Variants in DPYD observed in about 807,000 individuals in gnomAD.
DPYD encodes the protein dihydropyrimidine dehydrogenase, also known as dihydropyrimidine dehydrogenase [NADP(+)].
In DPYD, 109 loss-of-function variants were observed where a neutral mutation model predicts 116.2. That is an observed-to-expected ratio of 0.94 (90% CI 0.80 to 1.10). The LOEUF is 1.10. Among genes scored for constraint, DPYD ranks in the 50% least tolerant of loss-of-function variants. DPYD has a pLI of 0.00. For synonymous variants in DPYD, 440 were observed against 432.0 expected (o/e 1.02, Z -0.23); for missense variants, 1,302 against 1,254.5 (o/e 1.04, Z -0.57).
intron 18 of DPYD, among the ~76,000 whole-genome samples, chr1:97,260,332 G>C (rs1663794245): frequency 6.6e-6 from 1 of 151,892 alleles, no homozygotes; most frequent in Non-Finnish European, 1.5e-5. Flanking sequence ...TAGTTTTTAA[G>C]ATTTCTGTAT....
intron 21 of DPYD, among the ~76,000 whole-genome samples, chr1:97,086,297 G>A (rs892992924): frequency 2.6e-5 from 4 of 151,010 alleles, no homozygotes; most frequent in South Asian, 2.1e-4. Flanking sequence ...GTGTCCACCC[G>A]CCTTGGCCTC....
At chr1:97,415,569 A>C (rs1468098439) in intron 14 of DPYD, among the ~76,000 whole-genome samples, 1 of 152,078 alleles carries the variant, frequency 6.6e-6, no homozygotes, top group African/African-American at 2.4e-5. Context: ...TGATCTGCTC[A>C]CCTTGGTCTC....
chr1:97,610,062 T>C (rs1289371350), intron 8 of DPYD, among the ~76,000 whole-genome samples: 2 of 152,024 alleles, frequency 1.3e-5, no homozygotes, highest in Non-Finnish European at 2.9e-5. Flanking sequence ...TGCAAGTCAT[T>C]TGGCCTATGT....
chr1:97,451,096 T>C (rs940141855), intron 13 of DPYD, among the ~76,000 whole-genome samples: 1 of 152,150 alleles, frequency 6.6e-6, no homozygotes, highest in African/African-American at 2.4e-5. Context: ...CTTGTCACTT[T>C]TAGTAAGATA....
intron 13 of DPYD, among the ~76,000 whole-genome samples, chr1:97,452,102 C>T (rs947959106): frequency 6.6e-6 from 1 of 152,130 alleles, no homozygotes; most frequent in Non-Finnish European, 1.5e-5. Context: ...AACTGATTCA[C>T]GTTAGCAGCA....
chr1:97,807,336 G>A (rs1668123384), intron 3 of DPYD, among the ~76,000 whole-genome samples: 2 of 152,024 alleles, frequency 1.3e-5, no homozygotes, highest in South Asian at 4.1e-4. Flanking sequence ...TTGTGTCAGT[G>A]TTCTGGATTT....
chr1:97,656,480 T>G (rs911404454), intron 8 of DPYD, among the ~76,000 whole-genome samples: 12 of 152,208 alleles, frequency 7.9e-5, no homozygotes, highest in African/African-American at 2.4e-4. Flanking sequence ...TCTTGAAACC[T>G]TAAGTAGGTT....
chr1:97,138,194 CTG>C (rs1653950503), intron 20 of DPYD, among the ~76,000 whole-genome samples: 1 of 152,230 alleles, frequency 6.6e-6, no homozygotes, highest in South Asian at 2.1e-4. Context: ...TGGCGGAAAC[CTG>C]TTTCTATATG....
chr1:97,624,535 C>A (rs1429468057), intron 8 of DPYD, among the ~76,000 whole-genome samples: 2 of 151,734 alleles, frequency 1.3e-5, no homozygotes, highest in Non-Finnish European at 2.9e-5. Context: ...ATTAGTAGAG[C>A]CACTATAGAA....
At chr1:97,380,436 A>G (rs113863693) in intron 15 of DPYD, among the ~76,000 whole-genome samples, 110 of 152,348 alleles carry the variant, frequency 7.2e-4, no homozygotes, top group African/African-American at 2.4e-3. Context: ...TGACAAATTC[A>G]AACCAGGTTG....
intron 19 of DPYD, among the ~76,000 whole-genome samples, chr1:97,215,559 A>C (rs1660323055): frequency 6.6e-6 from 1 of 152,218 alleles, no homozygotes; most frequent in African/African-American, 2.4e-5. Context: ...AAAGGAGGCA[A>C]TGAAAAACAC....
intron 2 of DPYD, among the ~76,000 whole-genome samples, chr1:97,850,843 A>G (rs1670535306): frequency 6.6e-6 from 1 of 152,090 alleles, no homozygotes; most frequent in Admixed American, 6.5e-5. Flanking sequence ...TCTATAAATG[A>G]TATATTAAAA....
rs560561539 is a variant in DPYD, at chr1:97,418,333, C to A, written c.1905+31726G>T. On this transcript the variant is annotated intron_variant, in intron 14 of 22. Transcript: ENST00000370192. ...TTTTTTTTTTTTTTTGAGATGGAGT[C>A]TCTGTCACCCAGGCTGGAGTGCAAT... is the stretch of plus-strand genomic sequence containing the variant. Among the ~76,000 whole-genome samples, 309 of 145,348 alleles carry A rather than the reference C, an allele frequency of 2.1e-3. 1 individual carries two copies. The highest frequency in any genetic ancestry group is 7.4e-3 in the African/African-American group (293 of 39,640).
intron 8 of DPYD, among the ~76,000 whole-genome samples, chr1:97,666,727 G>A (rs1036575005): frequency 1.7e-4 from 26 of 152,080 alleles, no homozygotes; most frequent in Admixed American, 4.6e-4. Context: ...TCACCATGGG[G>A]GGTTTCACAA....
chr1:97,512,917 G>A (rs1647912342), intron 13 of DPYD, among the ~76,000 whole-genome samples: 1 of 151,782 alleles, frequency 6.6e-6, no homozygotes. Flanking sequence ...CAGATTTGAA[G>A]AGGAAGAATA....
At chr1:97,174,739 A>G (rs1657125973) in intron 20 of DPYD, among the ~76,000 whole-genome samples, 1 of 152,186 alleles carries the variant, frequency 6.6e-6, no homozygotes, top group African/African-American at 2.4e-5. Context: ...TTTCTTTCAG[A>G]GTGAGTTTGC....
chr1:97,490,577 G>T (rs1017607457), intron 13 of DPYD, among the ~76,000 whole-genome samples: 1 of 149,406 alleles, frequency 6.7e-6, no homozygotes, highest in Non-Finnish European at 1.5e-5. Context: ...GCATCTCAGG[G>T]AATGTTGGAT....
chr1:97,333,283 AC>A (rs1242196024), intron 16 of DPYD, among the ~76,000 whole-genome samples: 1 of 151,596 alleles, frequency 6.6e-6, no homozygotes. Flanking sequence ...AGAGTAATAC[AC>A]CCTTCTTGCC....
At chr1:97,736,971 A>G (rs571599036) in intron 4 of DPYD, among the ~76,000 whole-genome samples, 5 of 151,708 alleles carry the variant, frequency 3.3e-5, no homozygotes, top group African/African-American at 9.7e-5. Context: ...CAAAAAAGAT[A>G]CTCCATCACC....
Sources: allele counts gnomAD v4.1 joint callset (sites outside exome capture counted in the v4.1 genomes callset), GRCh38; gene constraint gnomAD v4.1.1; transcripts MANE v1.5; gene names NCBI Gene and HGNC (gene_info 2026-07-23, HGNC 2026-07-21).